Variants in MOBP observed in about 807,000 individuals in gnomAD.
The protein encoded by MOBP is myelin associated oligodendrocyte basic protein.
Under a neutral mutation model 15.0 loss-of-function variants are expected in MOBP, and 5 were observed. The observed-to-expected ratio is 0.33, with a 90% CI of 0.17 to 0.70. The LOEUF (loss-of-function observed/expected upper bound fraction) is 0.70, where lower values mean the gene tolerates loss of function less well. Ranked by LOEUF, MOBP falls within the 30% of genes least tolerant of loss-of-function variation. MOBP has a pLI of 0.67. For synonymous variants in MOBP, 88 were observed against 99.0 expected (o/e 0.89, Z 0.66); for missense variants, 188 against 257.8 (o/e 0.73, Z 1.85).
At chr3:39,476,377 T>G (rs1768203) in intron 1 of MOBP, among the ~76,000 whole-genome samples, 41,647 of 152,058 alleles carry the variant, frequency 0.27, 7,260 homozygotes, top group African/African-American at 0.49. Flanking sequence ...AAGCTTCTCA[T>G]CAGACAGAGC....
chr3:39,512,797 G>A (rs2043136263), intron 4 of MOBP, among the ~76,000 whole-genome samples: 2 of 152,156 alleles, frequency 1.3e-5, no homozygotes, highest in Admixed American at 1.3e-4. Context: ...CAGTCACATA[G>A]AGTTCTGCTA....
At chr3:39,513,528 G>GTTTGCCCCT in exon 5 of MOBP, 5 of 1,154,882 alleles carry the variant, frequency 4.3e-6, no homozygotes, top group Non-Finnish European at 6.4e-6. Context: ...ATTATGCAGG[G>GTTTGCCCCT]GCAAACACCT....
chr3:39,524,050 T>C (rs957487894), intron 3 of MOBP, among the ~76,000 whole-genome samples: 1 of 152,128 alleles, frequency 6.6e-6, no homozygotes, highest in Non-Finnish European at 1.5e-5. Context: ...TGAGGGAATA[T>C]CATAAAGAGA....
rs537876153 is a variant in MOBP at position 39,474,360 on chromosome 3, TAAC to T, written c.-88-5674_-88-5672del. On this transcript the variant is annotated intron_variant, in intron 1 of 3. Transcript: ENST00000684792. ...ACTCAAATTACAGTGATGTGTTGGT[TAAC>T]AACAAAGATACGTTCTGAGAAATGA... 1.2e-4 allele frequency among the ~76,000 whole-genome samples: 18 copies of T among 152,358 alleles called. No homozygotes were observed. In the South Asian group the frequency reaches 3.7e-3, roughly 32 times the overall value.
intron 2 of MOBP, among the ~76,000 whole-genome samples, chr3:39,492,114 T>A (rs1465699349): frequency 6.6e-6 from 1 of 152,144 alleles, no homozygotes; most frequent in Non-Finnish European, 1.5e-5. Context: ...AACCAAACAT[T>A]TCCTAGAATA....
At chr3:39,522,453 A>G (rs2043281236) in intron 3 of MOBP, among the ~76,000 whole-genome samples, 1 of 152,066 alleles carries the variant, frequency 6.6e-6, no homozygotes, top group Non-Finnish European at 1.5e-5. Flanking sequence ...TTCTCCCCCC[A>G]ATTATTTGAT....
chr3:39,496,030 AT>A (rs1334630315), intron 2 of MOBP, among the ~76,000 whole-genome samples: 3 of 151,904 alleles, frequency 2.0e-5, no homozygotes, highest in East Asian at 3.8e-4. Flanking sequence ...AAAGTGAATG[AT>A]TTTTTCAATA....
In MOBP at chr3:39,467,746, A is replaced by G. The variant is rs2042364220; in HGVS notation, c.-89+6A>G. 1 of 152,232 alleles carries G rather than the reference A, an allele frequency of 6.6e-6. No homozygotes were observed. Among genetic ancestry groups the G allele is most frequent in the African/African-American group, 2.4e-5 (1 of 41,466 alleles). The allele number at this position is 152,232 out of a possible 1,614,324, so 9.4% of individuals were successfully genotyped here. ...ACAACAACTGCTATTTGAAGGTAAG[A>G]GGATTCCATTGGTTTTTATTTTACT... On this transcript the variant is annotated splice_donor_region_variant and intron_variant, in intron 1 of 3. Coordinates refer to ENST00000684792, the MANE Select transcript of MOBP (RefSeq NM_001393704.1).
downstream of MOBP, chr3:39,517,865 GTATTA>G (rs1351472236): frequency 1.3e-5 from 2 of 152,090 alleles, no homozygotes; most frequent in African/African-American, 4.8e-5. Flanking sequence ...TTATGTAAAA[GTATTA>G]TATTTTACAT....
At chr3:39,521,016 G>A (rs181482830) in intron 3 of MOBP, among the ~76,000 whole-genome samples, 2 of 151,068 alleles carry the variant, frequency 1.3e-5, no homozygotes, top group African/African-American at 4.9e-5. Context: ...GCACAATCTC[G>A]GCTCACTGCA....
chr3:39,496,192 T>C (rs1034303243), intron 2 of MOBP, among the ~76,000 whole-genome samples: 10 of 134,160 alleles, frequency 7.5e-5, no homozygotes, highest in Non-Finnish European at 1.2e-4. Flanking sequence ...TTCTTTTTCT[T>C]TTTTTTCTTT....
chr3:39,496,067 T>G, intron 2 of MOBP, among the ~76,000 whole-genome samples: 1 of 152,192 alleles, frequency 6.6e-6, no homozygotes, highest in Middle Eastern at 3.4e-3. Flanking sequence ...ATATGTAAGG[T>G]GTGGTCCTAC....
chr3:39,514,072 G>A (rs1414946112), exon 5 of MOBP: 1 of 152,176 alleles, frequency 6.6e-6, no homozygotes, highest in Non-Finnish European at 1.5e-5. Flanking sequence ...CCATGTGTCA[G>A]ATGTAGCCAA....
At chr3:39,493,914 G>T (rs1484777044) in intron 2 of MOBP, among the ~76,000 whole-genome samples, 1 of 152,192 alleles carries the variant, frequency 6.6e-6, no homozygotes, top group Non-Finnish European at 1.5e-5. Flanking sequence ...TGTCTCTTGG[G>T]GGCTAGGAAT....
chr3:39,503,523 A>G (rs1379758036), downstream of MOBP, among the ~76,000 whole-genome samples: 2 of 150,650 alleles, frequency 1.3e-5, no homozygotes, highest in Admixed American at 6.6e-5. Flanking sequence ...CATGAGAACC[A>G]TAAGCAGGGA....
In MOBP at chr3:39,469,154, A is replaced by G. The variant is rs184307700; in HGVS notation, c.-89+1414A>G. ...TGTGTGTGTATATACATATATACATATGTGTGTGTGTATACATATATACAT... is the reference window on the plus strand; with the variant it reads ...TGTGTGTGTATATACATATATACATGTGTGTGTGTGTATACATATATACAT... On this transcript the variant is annotated intron_variant, in intron 1 of 3. Transcript: ENST00000684792. Among the ~76,000 whole-genome samples the G allele has an allele frequency of 3.9e-3, 342 of 86,756 alleles. 72 individuals carry two copies. Among genetic ancestry groups the G allele is most frequent in the East Asian group, 5.0e-3 (18 of 3,634 alleles). The allele number at this position is 86,756 out of a possible 152,430, so 56.9% of individuals were successfully genotyped here.
chr3:39,480,225 G>T (rs1314947207), intron 2 of MOBP, 102 bp downstream of exon 2: 2 of 152,126 alleles, frequency 1.3e-5, no homozygotes, highest in East Asian at 3.8e-4. Flanking sequence ...ATCAGCAAAA[G>T]AATGAGCAAT....
chr3:39,529,278 A>G (rs1417862725), downstream of MOBP: 3 of 152,230 alleles, frequency 2.0e-5, no homozygotes, highest in Admixed American at 6.5e-5. Context: ...TCTTCTCCTA[A>G]AGAGATTTAA....
chr3:39,480,771 T>C (rs2042617291), intron 2 of MOBP, among the ~76,000 whole-genome samples: 1 of 152,232 alleles, frequency 6.6e-6, no homozygotes, highest in African/African-American at 2.4e-5. Context: ...CTTTACTATT[T>C]ACTTGAATGA....
Sources: allele counts gnomAD v4.1 joint callset (sites outside exome capture counted in the v4.1 genomes callset), GRCh38; gene constraint gnomAD v4.1.1; transcripts MANE v1.5; gene names NCBI Gene and HGNC (gene_info 2026-07-23, HGNC 2026-07-21).